Variants in LRP1B observed in about 807,000 individuals in gnomAD.
The protein encoded by LRP1B is LDL receptor related protein 1B, also known as low-density lipoprotein receptor-related protein 1B.
LRP1B carries 217 observed loss-of-function variants against 556.6 expected under a neutral mutation model. That is an observed-to-expected ratio of 0.39 (90% CI 0.35 to 0.44). The LOEUF (loss-of-function observed/expected upper bound fraction) is 0.44, where lower values mean the gene tolerates loss of function less well. Ranked by LOEUF, LRP1B falls within the 20% of genes least tolerant of loss-of-function variation. LRP1B has a pLI of 1.00. For synonymous variants in LRP1B, 2,047 were observed against 1,865.8 expected, an observed-to-expected ratio of 1.10 and a Z score of -2.50; for missense variants, 5,053 against 5,620.8, an observed-to-expected ratio of 0.90 and a Z score of 3.23.
intron 7 of LRP1B, among the ~76,000 whole-genome samples, chr2:141,132,432 C>G (rs1701381816): frequency 6.6e-6 from 1 of 151,882 alleles, no homozygotes; most frequent in Admixed American, 6.6e-5. Context: ...CTTTCTCTGC[C>G]ATGTTGTGAC....
Position 140,521,248 on chromosome 2 carries a change from G to A in LRP1B, c.8027-4237C>T, listed in dbSNP as rs1430944634. Among the ~76,000 whole-genome samples, 5 of 151,928 alleles carry A rather than the reference G, an allele frequency of 3.3e-5. No homozygotes were observed. In the East Asian group the frequency reaches 7.7e-4, roughly 23 times the overall value. ...CAATCATCCCCAAGGCACAGCACACGGTCATTGGGCTATCCAACATCAACA... is the reference window on the plus strand; with the variant it reads ...CAATCATCCCCAAGGCACAGCACACAGTCATTGGGCTATCCAACATCAACA... On this transcript the variant is annotated intron_variant, in intron 49 of 90. Transcript: ENST00000389484.
chr2:140,797,630 G>T (rs1690363020), intron 32 of LRP1B, among the ~76,000 whole-genome samples: 1 of 151,916 alleles, frequency 6.6e-6, no homozygotes, highest in African/African-American at 2.4e-5. Context: ...AAATGTTATA[G>T]ATCACTATTT....
intron 20 of LRP1B, among the ~76,000 whole-genome samples, chr2:140,924,999 G>A (rs10084267): frequency 0.039 from 5,919 of 151,998 alleles, 150 homozygotes; most frequent in Middle Eastern, 0.061. Context: ...AAATAGGAAT[G>A]CAACAATAAA....
chr2:142,092,272 T>G (rs1706201188), intron 1 of LRP1B, among the ~76,000 whole-genome samples: 2 of 152,206 alleles, frequency 1.3e-5, no homozygotes, highest in South Asian at 4.1e-4. Flanking sequence ...TATAAATTGT[T>G]TGTTTAAAAA....
chr2:141,410,458 T>C (rs1406572160), intron 3 of LRP1B, among the ~76,000 whole-genome samples: 3 of 152,016 alleles, frequency 2.0e-5, no homozygotes, highest in African/African-American at 7.2e-5. Flanking sequence ...CATCAACAAA[T>C]TGAATAAAAT....
chr2:141,181,027 T>A (rs912366416), intron 7 of LRP1B, among the ~76,000 whole-genome samples: 5 of 151,948 alleles, frequency 3.3e-5, no homozygotes, highest in Non-Finnish European at 7.4e-5. Flanking sequence ...GGCCCCAACT[T>A]CATGCTCATG....
intron 20 of LRP1B, among the ~76,000 whole-genome samples, chr2:140,925,872 TCAAAG>T (rs1482952203): frequency 5.8e-4 from 89 of 152,276 alleles, no homozygotes; most frequent in African/African-American, 1.9e-3. Context: ...TTTATAAAGA[TCAAAG>T]CAGAATCTTT....
chr2:140,968,351 G>A (rs368212128), intron 18 of LRP1B, among the ~76,000 whole-genome samples: 1 of 152,058 alleles, frequency 6.6e-6, no homozygotes, highest in South Asian at 2.1e-4. Context: ...AGGGTAGCTT[G>A]TATTTCTGTG....
intron 63 of LRP1B, among the ~76,000 whole-genome samples, chr2:140,448,409 G>A (rs975894486): frequency 2.6e-5 from 4 of 151,986 alleles, no homozygotes; most frequent in African/African-American, 9.7e-5. Context: ...TATACATGAG[G>A]GAATAATATT....
At chr2:141,894,185 G>A (rs1251214735) in intron 1 of LRP1B, among the ~76,000 whole-genome samples, 4 of 152,054 alleles carry the variant, frequency 2.6e-5, no homozygotes, top group Non-Finnish European at 5.9e-5. Flanking sequence ...TTTAACAAAA[G>A]TGCCACATTC....
intron 35 of LRP1B, among the ~76,000 whole-genome samples, chr2:140,727,002 A>T (rs1687617545): frequency 6.6e-6 from 1 of 152,194 alleles, no homozygotes. Context: ...AATGGCTAGG[A>T]TACCAAGAAA....
chr2:141,278,313 A>G (rs1296346218), intron 3 of LRP1B, among the ~76,000 whole-genome samples: 3 of 152,146 alleles, frequency 2.0e-5, no homozygotes, highest in East Asian at 1.9e-4. Context: ...CCAGGCTTCT[A>G]TCCTTGCTTC....
intron 1 of LRP1B, among the ~76,000 whole-genome samples, chr2:141,814,128 G>T (rs1213439819): frequency 1.3e-5 from 2 of 152,184 alleles, no homozygotes; most frequent in African/African-American, 4.8e-5. Context: ...ATAGGTATAT[G>T]TAAAACAGAT....
intron 83 of LRP1B, among the ~76,000 whole-genome samples, chr2:140,310,875 C>T (rs2105027705): frequency 6.6e-6 from 1 of 151,914 alleles, no homozygotes; most frequent in Admixed American, 6.6e-5. Flanking sequence ...AAAGCAAATG[C>T]ATCATAAACA....
In LRP1B at chr2:142,115,523, TAA is replaced by T. The variant is rs1491539327; in HGVS notation, c.82+15123_82+15124del. ...TAATATATATTATATATTACATATATAATATATATATTACATATGTAATATAT... is the reference window on the plus strand; with the variant it reads ...TAATATATATTATATATTACATATATTATATATATTACATATGTAATATAT... On this transcript the variant is annotated intron_variant, in intron 1 of 90. Transcript: ENST00000389484. Among the ~76,000 whole-genome samples, 17 of 64,168 alleles carry T rather than the reference TAA, an allele frequency of 2.6e-4. 2 individuals carry two copies. The highest frequency in any genetic ancestry group is 1.3e-3 in the East Asian group (3 of 2,242). The allele number at this position is 64,168 out of a possible 152,430, so 42.1% of individuals were successfully genotyped here.
chr2:141,086,725 C>T (rs1700056088), intron 7 of LRP1B, among the ~76,000 whole-genome samples: 1 of 151,656 alleles, frequency 6.6e-6, no homozygotes. Context: ...ATGAGGATCA[C>T]CACATTGCTC....
intron 1 of LRP1B, among the ~76,000 whole-genome samples, chr2:141,832,851 A>T (rs1406067514): frequency 1.3e-5 from 2 of 151,900 alleles, no homozygotes; most frequent in African/African-American, 4.8e-5. Flanking sequence ...TTGTTTCACA[A>T]AATGAAGCAG....
chr2:141,876,639 T>C (rs952230003), intron 1 of LRP1B, among the ~76,000 whole-genome samples: 6 of 151,984 alleles, frequency 3.9e-5, no homozygotes, highest in African/African-American at 1.4e-4. Context: ...CATTTTTTTA[T>C]AGTAGTAGTT....
intron 3 of LRP1B, among the ~76,000 whole-genome samples, chr2:141,360,444 T>C (rs1688782173): frequency 6.6e-6 from 1 of 152,248 alleles, no homozygotes; most frequent in African/African-American, 2.4e-5. Flanking sequence ...TATGAAAATA[T>C]ACAGAATGGA....
Sources: allele counts gnomAD v4.1 joint callset (sites outside exome capture counted in the v4.1 genomes callset), GRCh38; gene constraint gnomAD v4.1.1; transcripts MANE v1.5; gene names NCBI Gene and HGNC (gene_info 2026-07-23, HGNC 2026-07-21).